ULK4: variants seen among roughly 807,000 people sequenced by gnomAD.
ULK4 encodes unc-51 like kinase 4.
In ULK4, 133 loss-of-function variants were observed where a neutral mutation model predicts 160.6. That is an observed-to-expected ratio of 0.83 (90% CI 0.72 to 0.96). The LOEUF (loss-of-function observed/expected upper bound fraction) is 0.96. Ranked by LOEUF, ULK4 falls within the 40% of genes least tolerant of loss-of-function variation. The probability of loss-of-function intolerance (pLI) is 0.00; values close to 1 mark genes in which losing one functional copy is unlikely to be tolerated. For missense variants in ULK4, 1,580 were observed against 1,499.5 expected (o/e 1.05, Z -0.89); for synonymous variants, 534 against 539.8 (o/e 0.99, Z 0.15).
At chr3:41,851,792 C>A (rs565447161) in intron 17 of ULK4, among the ~76,000 whole-genome samples, 8 of 151,862 alleles carry the variant, frequency 5.3e-5, no homozygotes, top group Admixed American at 4.6e-4. Flanking sequence ...CAAGAGAAAG[C>A]AGGAAAGATC....
At chr3:41,528,068 G>C (rs76628725) in intron 32 of ULK4, among the ~76,000 whole-genome samples, 3,130 of 152,242 alleles carry the variant, frequency 0.021, 114 homozygotes, top group African/African-American at 0.072. Context: ...ATTTGAGTAT[G>C]TATGAGATTC....
At chr3:41,445,327 C>T (rs2083272542) in intron 34 of ULK4, among the ~76,000 whole-genome samples, 1 of 152,104 alleles carries the variant, frequency 6.6e-6, no homozygotes, top group South Asian at 2.1e-4. Flanking sequence ...CAATGCCATC[C>T]CCATCAAGCT....
At chr3:41,408,093 T>C (rs1434514132) in intron 34 of ULK4, among the ~76,000 whole-genome samples, 8 of 151,440 alleles carry the variant, frequency 5.3e-5, no homozygotes, top group Non-Finnish European at 1.0e-4. Context: ...TATAATAGCA[T>C]TAAAACAAAT....
intron 27 of ULK4, among the ~76,000 whole-genome samples, chr3:41,704,394 C>T (rs2036793138): frequency 6.6e-6 from 1 of 152,186 alleles, no homozygotes; most frequent in Admixed American, 6.5e-5. Flanking sequence ...TAGGGAAAGC[C>T]ACTGCCTGGC....
intron 32 of ULK4, among the ~76,000 whole-genome samples, chr3:41,485,302 A>G (rs1298059466): frequency 1.3e-5 from 2 of 152,226 alleles, no homozygotes; most frequent in Non-Finnish European, 2.9e-5. Context: ...ACAAACAAAA[A>G]ACCAACAACA....
At chr3:41,730,600 T>C (rs1218649523) in intron 22 of ULK4, among the ~76,000 whole-genome samples, 2 of 152,088 alleles carry the variant, frequency 1.3e-5, no homozygotes, top group East Asian at 1.9e-4. Context: ...AGACCAATAA[T>C]GAGTAATAAG....
At chr3:41,718,985 C>G (rs2037365510) in intron 22 of ULK4, among the ~76,000 whole-genome samples, 2 of 152,212 alleles carry the variant, frequency 1.3e-5, no homozygotes. Context: ...GCCATAATCA[C>G]TGTTCAACCT....
At chr3:41,695,580 T>A (rs949021315) in intron 27 of ULK4, among the ~76,000 whole-genome samples, 1 of 152,002 alleles carries the variant, frequency 6.6e-6, no homozygotes, top group East Asian at 1.9e-4. Context: ...ATCTGGAAAA[T>A]ATCAGCACCA....
chr3:41,911,766 T>C (rs1358025262), intron 9 of ULK4, 107 bp from the exon 10 acceptor site: 6 of 817,272 alleles, frequency 7.3e-6, no homozygotes, highest in Non-Finnish European at 9.9e-6. Flanking sequence ...ACATGACATT[T>C]AGCAAAGTTA....
chr3:41,317,568 G>A (rs565340820), intron 35 of ULK4, among the ~76,000 whole-genome samples: 173 of 152,198 alleles, frequency 1.1e-3, no homozygotes, highest in African/African-American at 4.0e-3. Context: ...GAAAGAAGAG[G>A]AGATGACCCA....
At chr3:41,872,392 ACT>A (rs1335208778) in intron 17 of ULK4, among the ~76,000 whole-genome samples, 2 of 152,064 alleles carry the variant, frequency 1.3e-5, no homozygotes, top group Admixed American at 6.6e-5. Flanking sequence ...ATATTTTGTG[ACT>A]CTGCTCTTAC....
intron 30 of ULK4, among the ~76,000 whole-genome samples, chr3:41,636,089 C>T (rs2033939458): frequency 6.6e-6 from 1 of 151,576 alleles, no homozygotes. Flanking sequence ...AATTCTCTAC[C>T]TTTGTATTCT....
chr3:41,447,579 T>C (rs4505671), intron 34 of ULK4, among the ~76,000 whole-genome samples: 40,453 of 151,894 alleles, frequency 0.27, 5,633 homozygotes, highest in East Asian at 0.57. Flanking sequence ...AATCTAAACA[T>C]TGAATGTCAG....
intron 11 of ULK4, among the ~76,000 whole-genome samples, chr3:41,911,096 T>G: frequency 6.6e-6 from 1 of 152,224 alleles, no homozygotes; most frequent in South Asian, 2.1e-4. Flanking sequence ...AAAAATAAGT[T>G]GGTTTGGTTA....
chr3:41,622,441 C>T (rs2033293588), intron 30 of ULK4, among the ~76,000 whole-genome samples: 1 of 152,092 alleles, frequency 6.6e-6, no homozygotes, highest in African/African-American at 2.4e-5. Flanking sequence ...GAGTTTGTGT[C>T]CTTTGCAGGG....
intron 32 of ULK4, among the ~76,000 whole-genome samples, chr3:41,484,531 C>A (rs964833504): frequency 2.7e-4 from 40 of 146,762 alleles, no homozygotes; most frequent in Non-Finnish European, 1.2e-4. Context: ...CGGCTCACTG[C>A]AAGCTCCGCC....
chr3:41,828,685 A>G (rs2041458561), intron 18 of ULK4, among the ~76,000 whole-genome samples: 1 of 151,686 alleles, frequency 6.6e-6, no homozygotes, highest in Non-Finnish European at 1.5e-5. Flanking sequence ...GCTCATGGGT[A>G]GGAAGAATCA....
chr3:41,772,449 C>A (rs1419559205), intron 21 of ULK4, among the ~76,000 whole-genome samples: 5 of 152,032 alleles, frequency 3.3e-5, no homozygotes, highest in Admixed American at 3.3e-4. Context: ...CACCTCTACG[C>A]AAATAAACTA....
chr3:41,484,291 T>C (rs1193608384), intron 32 of ULK4, among the ~76,000 whole-genome samples: 4 of 152,046 alleles, frequency 2.6e-5, no homozygotes, highest in African/African-American at 9.7e-5. Flanking sequence ...ATTTACCATA[T>C]TGTTTTGTGG....
Sources: allele counts gnomAD v4.1 joint callset (sites outside exome capture counted in the v4.1 genomes callset), GRCh38; gene constraint gnomAD v4.1.1; transcripts MANE v1.5; gene names NCBI Gene and HGNC (gene_info 2026-07-23, HGNC 2026-07-21).